PTPN22: variants seen among roughly 807,000 people sequenced by gnomAD.
PTPN22 encodes the protein protein tyrosine phosphatase non-receptor type 22, also known as tyrosine-protein phosphatase non-receptor type 22.
A neutral mutation model predicts 103.3 loss-of-function variants in PTPN22; 85 were observed. That is an observed-to-expected ratio of 0.82 (90% CI 0.69 to 0.99). The LOEUF (loss-of-function observed/expected upper bound fraction) is 0.99, where lower values mean the gene tolerates loss of function less well. PTPN22 is among the 50% of genes least tolerant of loss of function. The probability of loss-of-function intolerance (pLI) is 0.00; values close to 1 mark genes in which losing one functional copy is unlikely to be tolerated. For missense variants in PTPN22, 865 were observed against 936.9 expected (o/e 0.92, Z 1.00); for synonymous variants, 323 against 310.2 (o/e 1.04, Z -0.43).
chr1:113,852,249 G>A, intron 9 of PTPN22, 145 bp from the exon 10 acceptor site: 3 of 613,102 alleles, frequency 4.9e-6, no homozygotes, highest in Non-Finnish European at 8.5e-6. Flanking sequence ...AACAAATGAG[G>A]TTTCTTATCA....
intron 19 of PTPN22, among the ~76,000 whole-genome samples, chr1:113,820,955 C>T (rs1342326942): frequency 6.6e-6 from 1 of 150,804 alleles, no homozygotes; most frequent in Non-Finnish European, 1.5e-5. Flanking sequence ...TTTGTACTTA[C>T]TATATTACTA....
chr1:113,825,158 C>T, exon 19 of PTPN22: 1 of 1,503,774 alleles, frequency 6.6e-7, no homozygotes. Flanking sequence ...TCATGTTTCG[C>T]AAAATTTTCA....
At chr1:113,837,766 G>T in exon 13 of PTPN22, 1 of 1,613,872 alleles carries the variant, frequency 6.2e-7, no homozygotes, top group Non-Finnish European at 8.5e-7. Context: ...CTTAGAACTG[G>T]TACCACTTGG....
chr1:113,851,929 G>T, intron 10 of PTPN22, 98 bp downstream of exon 10: 2 of 784,836 alleles, frequency 2.5e-6, no homozygotes, highest in Non-Finnish European at 4.0e-6. Context: ...GTAAATTGGT[G>T]TTATATCTGA....
intron 11 of PTPN22, among the ~76,000 whole-genome samples, chr1:113,839,161 C>A (rs1663290974): frequency 6.6e-6 from 1 of 152,182 alleles, no homozygotes; most frequent in Non-Finnish European, 1.5e-5. Flanking sequence ...GTAATTAGAT[C>A]TCTGCTTAAC....
intron 1 of PTPN22, among the ~76,000 whole-genome samples, chr1:113,866,675 G>A (rs1204948379): frequency 6.6e-6 from 1 of 152,126 alleles, no homozygotes; most frequent in East Asian, 1.9e-4. Context: ...TTGTATCTAT[G>A]CTATAATTAC....
At chr1:113,867,699 T>C (rs1666231369) in intron 1 of PTPN22, among the ~76,000 whole-genome samples, 1 of 152,212 alleles carries the variant, frequency 6.6e-6, no homozygotes, top group Non-Finnish European at 1.5e-5. Context: ...AATGAATGTT[T>C]ATATGAATGT....
At chr1:113,844,241 A>ACCTGAG (rs1663856720) in intron 11 of PTPN22, among the ~76,000 whole-genome samples, 1 of 152,126 alleles carries the variant, frequency 6.6e-6, no homozygotes, top group Non-Finnish European at 1.5e-5. Context: ...GCAAGCAGAT[A>ACCTGAG]GTCAGGAGTT....
chr1:113,854,451 G>A lies in PTPN22; in HGVS notation c.750+20C>T. ...GCAGTAGACTAAGCAAATGGGAAGT[G>A]CCTGCTGAGAGAAACTCACCCCATC... On this transcript the variant is annotated intron_variant, in intron 9 of 20. Coordinates refer to ENST00000359785, the Ensembl canonical transcript of PTPN22. The A allele has an allele frequency of 7.5e-6, 12 of 1,599,666 alleles. No individual in the cohort carries two copies. Among genetic ancestry groups the A allele is most frequent in the Non-Finnish European group, 9.4e-6 (11 of 1,166,862 alleles).
chr1:113,869,110 G>A lies in PTPN22; in HGVS notation c.87+2427C>T, dbSNP rs1007765377. On this transcript the variant is annotated intron_variant, in intron 1 of 20. Coordinates refer to ENST00000359785, the Ensembl canonical transcript of PTPN22. Reference sequence around the variant, plus strand: ...TCATGCCTGTAATCCCAGCTACTTGGGAGGCTGAGGCAGGAAAATCGCTTG... The same window carrying A: ...TCATGCCTGTAATCCCAGCTACTTGAGAGGCTGAGGCAGGAAAATCGCTTG... Among the ~76,000 whole-genome samples the A allele has an allele frequency of 2.0e-5, 3 of 152,124 alleles. 1 individual carries two copies. The highest frequency in any genetic ancestry group is 4.4e-5 in the Non-Finnish European group (3 of 68,036).
At chr1:113,857,753 C>T (rs1271541142) in exon 5 of PTPN22, 10 of 1,611,628 alleles carry the variant, frequency 6.2e-6, no homozygotes, top group South Asian at 1.1e-5. Flanking sequence ...CCATTTCATA[C>T]TCCATGCATG....
intron 2 of PTPN22, 49 bp downstream of exon 2, chr1:113,859,303 G>A: frequency 6.4e-7 from 1 of 1,567,714 alleles, no homozygotes; most frequent in East Asian, 2.2e-5. Flanking sequence ...AGATAGTAAT[G>A]ATTGAATTTG....
At chr1:113,839,434 G>C (rs918386857) in intron 11 of PTPN22, among the ~76,000 whole-genome samples, 1 of 151,350 alleles carries the variant, frequency 6.6e-6, no homozygotes, top group African/African-American at 2.4e-5. Context: ...CTGTTACCCA[G>C]GCTGGAGTGC....
chr1:113,834,163 A>T (rs1662781727), intron 15 of PTPN22, 146 bp downstream of exon 15: 2 of 851,694 alleles, frequency 2.3e-6, no homozygotes, highest in Non-Finnish European at 3.5e-6. Flanking sequence ...TGTCTTATAC[A>T]TCCTTTTTAT....
chr1:113,854,671 C>G, intron 8 of PTPN22, 134 bp from the exon 9 acceptor site: 2 of 1,035,178 alleles, frequency 1.9e-6, no homozygotes, highest in Non-Finnish European at 2.9e-6. Context: ...CCAAACCCCA[C>G]CATTTCCCAG....
intron 1 of PTPN22, among the ~76,000 whole-genome samples, chr1:113,859,998 G>A: frequency 8.2e-6 from 1 of 122,200 alleles, no homozygotes; most frequent in Non-Finnish European, 1.6e-5. Context: ...GTTTCACTCT[G>A]TCACCCAGGC....
upstream of PTPN22, chr1:113,871,741 G>A (rs1666604029): frequency 5.9e-6 from 5 of 845,154 alleles, no homozygotes; most frequent in Non-Finnish European, 9.7e-6. Context: ...CATGCTGAAG[G>A]CTGTGGTTTA....
At chr1:113,840,237 A>AAT in intron 11 of PTPN22, among the ~76,000 whole-genome samples, 1 of 151,552 alleles carries the variant, frequency 6.6e-6, no homozygotes, top group African/African-American at 2.4e-5. Flanking sequence ...AAAAAAAAAA[A>AAT]TTGGAAAAAA....
exon 13 of PTPN22, chr1:113,838,349 A>G (rs774874892): frequency 8.1e-6 from 13 of 1,599,746 alleles, no homozygotes; most frequent in South Asian, 2.3e-5. Flanking sequence ...AAGGAAGAAG[A>G]TTCTTTGATT....
Sources: gnomAD v4.1 joint callset for allele counts (sites outside exome capture counted in the v4.1 genomes callset) on GRCh38, gnomAD v4.1.1 for gene constraint, MANE v1.5 for transcripts, NCBI Gene and HGNC (gene_info 2026-07-23, HGNC 2026-07-21) for gene names.